Variants in ZNF449 observed in about 807,000 individuals in gnomAD.
ZNF449 encodes zinc finger and SCAN domain-containing protein 19.
Under a neutral mutation model 32.6 loss-of-function variants are expected in ZNF449, and 4 were observed. The ratio of observed to expected loss-of-function variants is 0.12; its 90% CI spans 0.06 to 0.28. The LOEUF (loss-of-function observed/expected upper bound fraction) is 0.28. Among genes scored for constraint, ZNF449 ranks in the 10% least tolerant of loss-of-function variants. The pLI is 1.00. For synonymous variants in ZNF449, 123 were observed against 132.2 expected (o/e 0.93, Z 0.48); for missense variants, 275 against 383.2 (o/e 0.72, Z 2.36).
Position 135,347,244 on chromosome X carries a change from T to C in ZNF449, c.126T>C (p.Ala42=). The C allele has an allele frequency of 8.3e-7, 1 of 1,211,111 alleles. No homozygotes were observed. Among genetic ancestry groups the C allele is most frequent in the Middle Eastern group, 2.3e-4 (1 of 4,339 alleles). ...GGCAGTTCCAGTACAGAGAAGCAGC[T>C]GGGCCTCATGAAGCATTTAACAAAC... The part of the protein sequence containing the change: ...RFRQFQYREA[A]GPHEAFNKLW... The change falls in exon 2 of 5, where the codon GCT becomes GCC. Residue 42 remains alanine, a synonymous_variant. Transcript: ENST00000339249.
intron 2 of ZNF449, chrX:135,348,673 ACTTGGGTTGGTGGTTG>A: frequency 1.1e-6 from 1 of 920,376 alleles, no homozygotes; most frequent in Non-Finnish European, 1.4e-6. Context: ...TCCCTAGGGT[ACTTGGGTTGGTGGTTG>A]CCCTTCCTTT....
In ZNF449 at chrX:135,362,865, C is replaced by A. The variant is rs1307692514; in HGVS notation, c.*1789C>A. 4 of 111,535 alleles carry A rather than the reference C, an allele frequency of 3.6e-5. No individual in the cohort carries two copies. Among genetic ancestry groups the A allele is most frequent in the African/African-American group, 9.8e-5 (3 of 30,685 alleles). The allele number at this position is 111,535 out of a possible 1,213,427, so 9.2% of individuals were successfully genotyped here. On this transcript the variant is annotated 3_prime_UTR_variant, in exon 5 of 5. Coordinates refer to ENST00000339249, the MANE Select transcript of ZNF449 (RefSeq NM_152695.6). ...ATGCAAGAGAGTTTGTAATTAAGTG[C>A]CAATTATACCAATTGCTAGACCCAG...
intron 3 of ZNF449, among the ~76,000 whole-genome samples, chrX:135,352,868 G>C (rs1264996424): frequency 8.9e-6 from 1 of 112,037 alleles, no homozygotes; most frequent in Non-Finnish European, 1.9e-5. Flanking sequence ...CCTGAGTTTA[G>C]GATGGGGGGA....
intron 3 of ZNF449, among the ~76,000 whole-genome samples, chrX:135,349,845 C>G (rs1252803914): frequency 9.0e-6 from 1 of 111,658 alleles, no homozygotes; most frequent in African/African-American, 3.3e-5. Flanking sequence ...GCATGTTTAG[C>G]AAGCTCTGCA....
At chrX:135,351,658 T>TAAA (rs782046147) in intron 3 of ZNF449, among the ~76,000 whole-genome samples, 6 of 49,505 alleles carry the variant, frequency 1.2e-4, no homozygotes, top group Non-Finnish European at 1.8e-4. Context: ...TGAGGAATTC[T>TAAA]AAAAAAAAAA....
At position 135,350,918 on chromosome X, in the gene ZNF449, G is replaced by A. The variant is rs185001982; in HGVS notation, c.559+1604G>A. On this transcript the variant is annotated intron_variant, in intron 3 of 4. Coordinates refer to ENST00000339249, the MANE Select transcript of ZNF449 (RefSeq NM_152695.6). ...GTACATGGGAAGCGGAGAGGGCTGG[G>A]ATCAAAAGCAACAACATGTGCAACG... Among the ~76,000 whole-genome samples, 6 of 111,116 alleles carry A rather than the reference G, an allele frequency of 5.4e-5. No homozygotes were observed. The East Asian group carries it at 1.7e-3, about 32-fold the overall frequency.
intron 2 of ZNF449, 86 bp downstream of exon 2, chrX:135,347,558 T>C: frequency 1.7e-6 from 2 of 1,179,325 alleles, no homozygotes; most frequent in Non-Finnish European, 2.3e-6. Context: ...TGTCTCTATG[T>C]CATTCCCCAG....
chrX:135,349,032 A>G (rs2084867643), intron 2 of ZNF449, 78 bp from the exon 3 acceptor site: 24 of 1,118,437 alleles, frequency 2.1e-5, no homozygotes, highest in Non-Finnish European at 7.3e-6. Context: ...ATTTAAAATT[A>G]CATGCATGAT....
At chrX:135,349,073 C>T in intron 2 of ZNF449, 37 bp from the exon 3 acceptor site, 1 of 1,198,438 alleles carries the variant, frequency 8.3e-7, no homozygotes, top group Non-Finnish European at 1.1e-6. Flanking sequence ...CACTGTTGGT[C>T]TAGACTTGAG....
At chrX:135,354,581 G>A (rs913342583) in intron 3 of ZNF449, among the ~76,000 whole-genome samples, 5 of 112,264 alleles carry the variant, frequency 4.5e-5, no homozygotes, top group Admixed American at 9.4e-5. Flanking sequence ...CCATGAAGAA[G>A]CTCAACTATG....
chrX:135,349,977 T>C (rs1396226031), intron 3 of ZNF449, among the ~76,000 whole-genome samples: 1 of 110,566 alleles, frequency 9.0e-6, no homozygotes, highest in Admixed American at 9.6e-5. Flanking sequence ...GTTGCTCCTA[T>C]ATTTTATTCC....
Position 135,354,908 on chromosome X carries a change from T to A in ZNF449, c.560-4984T>A, listed in dbSNP as rs147826725. Among the ~76,000 whole-genome samples, 431 of 111,600 alleles carry A rather than the reference T, an allele frequency of 3.9e-3. 3 individuals are homozygous for A. Among genetic ancestry groups the A allele is most frequent in the African/African-American group, 0.014 (418 of 30,724 alleles). On this transcript the variant is annotated intron_variant, in intron 3 of 4. Coordinates refer to ENST00000339249, the MANE Select transcript of ZNF449 (RefSeq NM_152695.6). ...GCTTCTTTTACCCAAGGAGCAGGTG[T>A]CTGGGCCTGGTTTTGAAGTGATATT...
Position 135,361,133 on chromosome X carries a change from A to G in ZNF449, c.*57A>G, listed in dbSNP as rs923921953. 3 of 1,018,532 alleles carry G rather than the reference A, an allele frequency of 2.9e-6. No individual in the cohort carries two copies. In the African/African-American group the frequency reaches 5.8e-5, roughly 20 times the overall value. 83.9% of individuals were successfully genotyped at this position (1,018,532 alleles called of 1,213,427 possible). A position where few individuals can be genotyped will look rare whatever the true frequency, so the allele number is the denominator to read the frequency against. Reference sequence around the variant, plus strand: ...TTGACACTAACTCAAAAAAAATCTTAACCTGCAGCAGGCTGTTTGTCTTGG... The same window carrying G: ...TTGACACTAACTCAAAAAAAATCTTGACCTGCAGCAGGCTGTTTGTCTTGG... On this transcript the variant is annotated 3_prime_UTR_variant, in exon 5 of 5. Transcript: ENST00000339249.
At position 135,361,956 on chromosome X, in the gene ZNF449, G is replaced by T. The variant is rs1338008501; in HGVS notation, c.*880G>T. On this transcript the variant is annotated 3_prime_UTR_variant, in exon 5 of 5. Coordinates refer to ENST00000339249, the MANE Select transcript of ZNF449 (RefSeq NM_152695.6). ...TCTGAGAGGTCCTCTAGAAAGGAGA[G>T]AAAAAGCACCTCTTTTGGCTCAATG... 1 of 111,421 alleles carries T rather than the reference G, an allele frequency of 9.0e-6. No individual in the cohort carries two copies. The highest frequency in any genetic ancestry group is 1.9e-5 in the Non-Finnish European group (1 of 52,970). 9.2% of individuals were successfully genotyped at this position (111,421 alleles called of 1,213,427 possible).
chrX:135,358,531 T>C (rs781916272), intron 3 of ZNF449, among the ~76,000 whole-genome samples: 1 of 111,962 alleles, frequency 8.9e-6, no homozygotes, highest in South Asian at 3.7e-4. Flanking sequence ...TATTGGGAAA[T>C]ATATTACATT....
chrX:135,357,683 T>G (rs182935521), intron 3 of ZNF449, among the ~76,000 whole-genome samples: 30 of 111,823 alleles, frequency 2.7e-4, no homozygotes, highest in Admixed American at 2.6e-3. Context: ...CATACATGAT[T>G]ATAATTGTTA....
At chrX:135,346,918 A>AG (rs2148502835) in intron 1 of ZNF449, 101 bp from the exon 2 acceptor site, 1 of 350,221 alleles carries the variant, frequency 2.9e-6, no homozygotes, top group Non-Finnish European at 4.9e-6. Context: ...TTGGTAAAAA[A>AG]GAAGTTAACA....
rs1556454096 is a variant in ZNF449 at position 135,361,488 on chromosome X, A to G, written c.*412A>G. 8.7e-6 allele frequency: 1 copy of G among 115,285 alleles called. No individual in the cohort carries two copies. The highest frequency in any genetic ancestry group is 1.8e-5 in the Non-Finnish European group (1 of 55,753). The allele number at this position is 115,285 out of a possible 1,213,427, so 9.5% of individuals were successfully genotyped here. ...TCTGCTGTCATTATTAAAGATGATT[A>G]TATTCATTCAAAGCTTTAGATGTGT... On this transcript the variant is annotated 3_prime_UTR_variant, in exon 5 of 5. Coordinates refer to ENST00000339249, the MANE Select transcript of ZNF449 (RefSeq NM_152695.6).
chrX:135,350,333 C>A (rs1046208058), intron 3 of ZNF449, among the ~76,000 whole-genome samples: 9 of 111,736 alleles, frequency 8.1e-5, no homozygotes, highest in Non-Finnish European at 1.9e-5. Context: ...TCTTCTACCC[C>A]TCACATTAAA....
Sources: gnomAD v4.1 joint callset for allele counts (sites outside exome capture counted in the v4.1 genomes callset) on GRCh38, gnomAD v4.1.1 for gene constraint, MANE v1.5 for transcripts, NCBI Gene and HGNC (gene_info 2026-07-23, HGNC 2026-07-21) for gene names.